SLC17A2: variants seen among roughly 807,000 people sequenced by gnomAD.
SLC17A2 encodes the protein solute carrier family 17 member 2, also known as sodium-dependent phosphate transport protein 3.
In SLC17A2, 38 loss-of-function variants were observed where a neutral mutation model predicts 52.1. The ratio of observed to expected loss-of-function variants is 0.73; its 90% confidence interval spans 0.56 to 0.96. SLC17A2 has a LOEUF of 0.96. Ranked by LOEUF, SLC17A2 falls within the 40% of genes least tolerant of loss-of-function variation. SLC17A2 has a pLI of 0.00. For missense variants in SLC17A2, 508 were observed against 583.9 expected (o/e 0.87, Z 1.34); for synonymous variants, 226 against 211.9 (o/e 1.07, Z -0.58).
At chr6:25,919,725 A>AAAAAAAAAAAAAACAC (rs1766477615) in intron 5 of SLC17A2, among the ~76,000 whole-genome samples, 1 of 149,598 alleles carries the variant, frequency 6.7e-6, no homozygotes, top group Non-Finnish European at 1.5e-5. Context: ...AAAAAAAAAA[A>AAAAAAAAAAAAAACAC]AAGGTTTAGG....
At chr6:25,927,986 C>G (rs930133670) in intron 1 of SLC17A2, among the ~76,000 whole-genome samples, 1 of 152,150 alleles carries the variant, frequency 6.6e-6, no homozygotes, top group East Asian at 1.9e-4. Context: ...CTGAAGGCAA[C>G]TCTTTAACTG....
chr6:25,919,096 T>G (rs1269977405), intron 5 of SLC17A2, among the ~76,000 whole-genome samples: 1 of 152,150 alleles, frequency 6.6e-6, no homozygotes, highest in Non-Finnish European at 1.5e-5. Context: ...AGACCTATAG[T>G]AAGAAATGCA....
Position 25,925,759 on chromosome 6 carries a change from G to A in SLC17A2, c.28+10C>T, listed in dbSNP as rs3734523. On this transcript the variant is annotated intron_variant, in intron 2 of 11. Coordinates refer to ENST00000377850, the MANE Select transcript of SLC17A2 (RefSeq NM_001286123.3). ...TTAACATAGCCTGCAAACAAGAGCA[G>A]TGGCTTTACCTTTCCTGGTGGCAGG... The A allele has an allele frequency of 0.1, 162,404 of 1,612,500 alleles. 9,306 individuals are homozygous for A. Among genetic ancestry groups the A allele is most frequent in the African/African-American group, 0.17 (12,981 of 74,946 alleles).
At chr6:25,920,628 G>A (rs942675032) in intron 5 of SLC17A2, among the ~76,000 whole-genome samples, 14 of 152,160 alleles carry the variant, frequency 9.2e-5, no homozygotes, top group African/African-American at 3.1e-4. Context: ...TTACCACCTG[G>A]AGCTGTGGTA....
chr6:25,924,798 G>C (rs1370767153), intron 2 of SLC17A2, among the ~76,000 whole-genome samples: 1 of 130,028 alleles, frequency 7.7e-6, no homozygotes, highest in African/African-American at 3.0e-5. Context: ...GACAGAATGA[G>C]ACTCAATCTC....
intron 1 of SLC17A2, among the ~76,000 whole-genome samples, chr6:25,926,295 T>C (rs1317776979): frequency 6.6e-6 from 1 of 152,128 alleles, no homozygotes; most frequent in Non-Finnish European, 1.5e-5. Flanking sequence ...TCCAGAGCGG[T>C]CTTTCCTTTC....
chr6:25,914,761 G>A (rs1766239105), intron 10 of SLC17A2, 91 bp from the exon 11 acceptor site: 1 of 753,160 alleles, frequency 1.3e-6, no homozygotes, highest in Admixed American at 2.4e-5. Context: ...CAGCTCTAAT[G>A]GCAAAGTCAT....
chr6:25,925,318 C>T (rs1257884737), intron 2 of SLC17A2, among the ~76,000 whole-genome samples: 1 of 152,066 alleles, frequency 6.6e-6, no homozygotes, highest in Non-Finnish European at 1.5e-5. Context: ...TCGAGACCAT[C>T]CTGGCTAACA....
intron 2 of SLC17A2, among the ~76,000 whole-genome samples, chr6:25,924,338 A>C (rs1370441184): frequency 6.6e-6 from 1 of 152,202 alleles, no homozygotes; most frequent in Non-Finnish European, 1.5e-5. Flanking sequence ...GAGAGTTTAT[A>C]CATAACGAGC....
chr6:25,917,022 G>A lies in SLC17A2; in HGVS notation c.715C>T (p.Pro239Ser). ...TCCTTTTCCCTAACACTTATGCACG[G>A]GTGATGCATGGGGTCATCATAAATC... ...TVIYDDPMHH[P>S]CISVREKEHI... The change falls in exon 7 of 12, where the codon CCG becomes TCG. Residue 239 changes from proline (P) to serine (S), a missense_variant. Transcript: ENST00000377850. 1 of 1,614,106 alleles carries A rather than the reference G, an allele frequency of 6.2e-7. No individual in the cohort carries two copies. The highest frequency in any genetic ancestry group is 8.5e-7 in the Non-Finnish European group (1 of 1,180,000).
rs769425553 is a variant in SLC17A2 at position 25,921,307 on chromosome 6, A to G, written c.346T>C (p.Phe116Leu). The change falls in exon 4 of 12, where the codon TTT (phenylalanine) becomes CTT (leucine). Residue 116 changes from phenylalanine to leucine, a missense_variant. Coordinates refer to ENST00000377850, the MANE Select transcript of SLC17A2 (RefSeq NM_001286123.3). ...LIPSGYLAGI[F>L]GAKKMLGAGL... ...GCACCAAGCATTTTTTTTGCTCCAA[A>G]TATCCCTGCTAAATATCCACTTGGG... 7.4e-6 allele frequency: 12 copies of G among 1,614,022 alleles called. No homozygotes were observed. The highest frequency in any genetic ancestry group is 1.0e-5 in the Non-Finnish European group (12 of 1,180,016).
At chr6:25,924,123 A>G (rs1017658526) in intron 2 of SLC17A2, among the ~76,000 whole-genome samples, 4 of 152,160 alleles carry the variant, frequency 2.6e-5, no homozygotes, top group Non-Finnish European at 5.9e-5. Flanking sequence ...TAAAGCAAAT[A>G]TGGCCATCTT....
intron 2 of SLC17A2, among the ~76,000 whole-genome samples, chr6:25,924,445 A>C (rs1276664494): frequency 6.6e-6 from 1 of 152,050 alleles, no homozygotes; most frequent in Non-Finnish European, 1.5e-5. Flanking sequence ...TCCCTAGTGT[A>C]ATGTCTACTT....
intron 10 of SLC17A2, among the ~76,000 whole-genome samples, chr6:25,914,939 G>A (rs142068461): frequency 8.5e-4 from 129 of 151,576 alleles, no homozygotes; most frequent in Middle Eastern, 3.4e-3. Context: ...TTTGTGCAAC[G>A]GGCAGGACAC....
At position 25,914,193 on chromosome 6, in the gene SLC17A2, T is replaced by C. The variant is rs1766212236; in HGVS notation, c.1302+387A>G. Among the ~76,000 whole-genome samples the C allele has an allele frequency of 2.6e-5, 4 of 152,184 alleles. No individual in the cohort carries two copies. In the South Asian group the frequency reaches 8.3e-4, roughly 31 times the overall value. Reference sequence around the variant, plus strand: ...GGCCTAGGACACTTTGTTTCCCTTTTGTGATTTTTTAAAAATTGGATTAGT... The same window carrying C: ...GGCCTAGGACACTTTGTTTCCCTTTCGTGATTTTTTAAAAATTGGATTAGT... On this transcript the variant is annotated intron_variant, in intron 11 of 11. Coordinates refer to ENST00000377850, the MANE Select transcript of SLC17A2 (RefSeq NM_001286123.3).
chr6:25,920,037 T>C (rs7749342), intron 5 of SLC17A2, among the ~76,000 whole-genome samples: 69,623 of 152,018 alleles, frequency 0.46, 16,489 homozygotes, highest in East Asian at 0.73. Flanking sequence ...AGTAAAAATG[T>C]GCCATCTTTA....
At chr6:25,915,407 G>C (rs74942201) in intron 10 of SLC17A2, 92 bp downstream of exon 10, 2 of 1,113,434 alleles carry the variant, frequency 1.8e-6, no homozygotes, top group Admixed American at 6.0e-5. Flanking sequence ...TTAGTGCAAT[G>C]TCAGTAACAT....
chr6:25,928,658 T>C (rs1581578381), intron 1 of SLC17A2, among the ~76,000 whole-genome samples: 1 of 152,206 alleles, frequency 6.6e-6, no homozygotes, highest in South Asian at 2.1e-4. Context: ...TAAACTGAGG[T>C]CTTTCATGGT....
intron 5 of SLC17A2, among the ~76,000 whole-genome samples, chr6:25,919,728 G>T (rs962947945): frequency 3.9e-4 from 31 of 80,018 alleles, no homozygotes; most frequent in African/African-American, 1.3e-3. Flanking sequence ...AAAAAAAAAA[G>T]GTTTAGGAAG....
Sources: gnomAD v4.1 joint callset for allele counts (sites outside exome capture counted in the v4.1 genomes callset) on GRCh38, gnomAD v4.1.1 for gene constraint, MANE v1.5 for transcripts, NCBI Gene and HGNC (gene_info 2026-07-23, HGNC 2026-07-21) for gene names.